The following GRM8 variants were observed in gnomAD, a reference collection of about 807,000 sequenced individuals.
GRM8 encodes metabotropic glutamate receptor 8.
Under a neutral mutation model 87.2 loss-of-function variants are expected in GRM8, and 47 were observed. The ratio of observed to expected loss-of-function variants is 0.54; its 90% confidence interval spans 0.43 to 0.69. The LOEUF (loss-of-function observed/expected upper bound fraction) is 0.69. Ranked by LOEUF, GRM8 falls within the 30% of genes least tolerant of loss-of-function variation. The pLI is 0.00. For missense variants in GRM8, 1,019 were observed against 1,139.2 expected (o/e 0.89, Z 1.52); for synonymous variants, 396 against 404.5 (o/e 0.98, Z 0.25).
chr7:126,543,582 G>A (rs543640891), intron 8 of GRM8, among the ~76,000 whole-genome samples: 81 of 151,770 alleles, frequency 5.3e-4, no homozygotes, highest in Non-Finnish European at 6.9e-4. Flanking sequence ...ATCCTTCACT[G>A]AAAAGGGGCG....
At chr7:126,945,449 G>T (rs973806087) in intron 3 of GRM8, among the ~76,000 whole-genome samples, 1 of 152,074 alleles carries the variant, frequency 6.6e-6, no homozygotes, top group Non-Finnish European at 1.5e-5. Flanking sequence ...CTTTTTGATT[G>T]CCATCATGGT....
intron 6 of GRM8, among the ~76,000 whole-genome samples, chr7:126,879,908 C>T (rs931863278): frequency 4.6e-5 from 7 of 151,918 alleles, no homozygotes; most frequent in African/African-American, 1.5e-4. Flanking sequence ...GTTTGCGTGC[C>T]CTTTCTCAGT....
intron 10 of GRM8, 122 bp downstream of exon 10, chr7:126,446,004 A>C: frequency 9.0e-7 from 1 of 1,114,430 alleles, no homozygotes; most frequent in South Asian, 1.3e-5. Context: ...ACGGTATGTG[A>C]GTACCATCAT....
intron 6 of GRM8, among the ~76,000 whole-genome samples, chr7:126,849,975 A>G (rs1797068781): frequency 6.6e-6 from 1 of 152,168 alleles, no homozygotes; most frequent in African/African-American, 2.4e-5. Context: ...ATCTTAATGC[A>G]GCCCTCTTTT....
At chr7:126,929,877 A>C (rs1805580556) in intron 3 of GRM8, among the ~76,000 whole-genome samples, 1 of 19,006 alleles carries the variant, frequency 5.3e-5, no homozygotes. Flanking sequence ...AAGATTTAAA[A>C]TATAAAGAAA....
chr7:126,805,273 G>GC (rs1435623434), intron 6 of GRM8, among the ~76,000 whole-genome samples: 1 of 152,052 alleles, frequency 6.6e-6, no homozygotes, highest in African/African-American at 2.4e-5. Flanking sequence ...CACATAAGAT[G>GC]CCCCACCTCT....
At chr7:126,892,596 T>C (rs528907994) in intron 6 of GRM8, among the ~76,000 whole-genome samples, 2 of 152,288 alleles carry the variant, frequency 1.3e-5, no homozygotes, top group African/African-American at 4.8e-5. Context: ...TCAATAAACA[T>C]ACATGTGCGT....
chr7:126,696,298 G>A (rs1187842413), intron 7 of GRM8, among the ~76,000 whole-genome samples: 1 of 152,132 alleles, frequency 6.6e-6, no homozygotes, highest in Admixed American at 6.6e-5. Flanking sequence ...GTCTGTCATG[G>A]TGGTTTGCTG....
chr7:126,860,942 C>A (rs1329558444), intron 6 of GRM8, among the ~76,000 whole-genome samples: 2 of 152,026 alleles, frequency 1.3e-5, no homozygotes, highest in Non-Finnish European at 2.9e-5. Context: ...ATGAAGAATC[C>A]ATTTCGTATG....
chr7:127,078,908 C>T (rs950873225), intron 3 of GRM8, among the ~76,000 whole-genome samples: 4 of 152,034 alleles, frequency 2.6e-5, no homozygotes, highest in Non-Finnish European at 5.9e-5. Context: ...GATAAACAAT[C>T]GGTTGGTGAG....
At chr7:126,978,555 C>T (rs1437123133) in intron 3 of GRM8, among the ~76,000 whole-genome samples, 1 of 152,170 alleles carries the variant, frequency 6.6e-6, no homozygotes, top group African/African-American at 2.4e-5. Flanking sequence ...ACCTTGGTGT[C>T]AAAGTCCTCT....
At chr7:127,209,062 A>G (rs2116616996) in intron 2 of GRM8, among the ~76,000 whole-genome samples, 1 of 152,342 alleles carries the variant, frequency 6.6e-6, no homozygotes, top group Middle Eastern at 3.4e-3. Context: ...CACGGCTGCA[A>G]GAACCAAGGG....
chr7:127,015,058 G>GA (rs1563413288), intron 3 of GRM8, among the ~76,000 whole-genome samples: 48 of 108,418 alleles, frequency 4.4e-4, no homozygotes, highest in Middle Eastern at 5.1e-3. Context: ...AGAAGAAGAA[G>GA]AAGAAGAAGA....
chr7:126,758,137 T>A (rs921011085), intron 7 of GRM8, among the ~76,000 whole-genome samples: 2 of 152,172 alleles, frequency 1.3e-5, no homozygotes, highest in African/African-American at 4.8e-5. Context: ...TGGATGGGCA[T>A]GTATTTGGTG....
At chr7:126,640,182 T>C (rs1329055733) in intron 7 of GRM8, among the ~76,000 whole-genome samples, 1 of 152,200 alleles carries the variant, frequency 6.6e-6, no homozygotes, top group Non-Finnish European at 1.5e-5. Context: ...AAGAATTTTA[T>C]AACATATCAA....
intron 7 of GRM8, among the ~76,000 whole-genome samples, chr7:126,757,849 T>A (rs969175): frequency 0.022 from 3,345 of 152,270 alleles, 129 homozygotes; most frequent in African/African-American, 0.076. Flanking sequence ...CTCCACCTTC[T>A]TATCTATCCT....
intron 6 of GRM8, among the ~76,000 whole-genome samples, chr7:126,788,920 T>A (rs2151666352): frequency 6.6e-6 from 1 of 152,318 alleles, no homozygotes; most frequent in South Asian, 2.1e-4. Flanking sequence ...GCTCAGAGTG[T>A]ATTTGAAATC....
At chr7:127,007,974 A>G (rs866886928) in intron 3 of GRM8, among the ~76,000 whole-genome samples, 76 of 152,006 alleles carry the variant, frequency 5.0e-4, no homozygotes, top group African/African-American at 1.6e-3. Context: ...TCTTAAAATT[A>G]TAATAGGCAC....
intron 6 of GRM8, among the ~76,000 whole-genome samples, chr7:126,790,564 T>C (rs959295989): frequency 6.6e-6 from 1 of 152,178 alleles, no homozygotes; most frequent in East Asian, 1.9e-4. Flanking sequence ...GCCATTGTAT[T>C]AGCATTTTAT....
Sources: gnomAD v4.1 joint callset for allele counts (sites outside exome capture counted in the v4.1 genomes callset) on GRCh38, gnomAD v4.1.1 for gene constraint, MANE v1.5 for transcripts, NCBI Gene and HGNC (gene_info 2026-07-23, HGNC 2026-07-21) for gene names.